Variants in CSMD1 observed in about 807,000 individuals in gnomAD.
CSMD1 encodes the protein CUB and sushi domain-containing protein 1.
Under a neutral mutation model 417.5 loss-of-function variants are expected in CSMD1, and 213 were observed. That is an observed-to-expected ratio of 0.51 (90% CI 0.46 to 0.57). The LOEUF is 0.57. CSMD1 is among the 20% of genes least tolerant of loss of function. CSMD1 has a pLI of 0.00. For missense variants in CSMD1, 6,923 were observed against 4,529.7 expected (o/e 1.53, Z -15.17); for synonymous variants, 2,862 against 1,736.8 (o/e 1.65, Z -16.11).
intron 2 of CSMD1, among the ~76,000 whole-genome samples, chr8:4,521,724 G>A (rs759985186): frequency 6.6e-6 from 1 of 152,134 alleles, no homozygotes; most frequent in South Asian, 2.1e-4. Flanking sequence ...CATTTCAATA[G>A]ACATAGCTCA....
chr8:4,168,677 A>C (rs1471699557), intron 3 of CSMD1, among the ~76,000 whole-genome samples: 8 of 152,126 alleles, frequency 5.3e-5, no homozygotes, highest in African/African-American at 1.9e-4. Flanking sequence ...ACATTTTTTA[A>C]AAAATGCTGT....
chr8:4,182,501 G>A (rs1452105351), intron 3 of CSMD1, among the ~76,000 whole-genome samples: 4 of 152,090 alleles, frequency 2.6e-5, no homozygotes, highest in Non-Finnish European at 4.4e-5. Flanking sequence ...CACATTATTA[G>A]CGAAATGTTG....
intron 5 of CSMD1, among the ~76,000 whole-genome samples, chr8:3,969,510 G>C (rs1453503390): frequency 6.6e-6 from 1 of 152,090 alleles, no homozygotes; most frequent in Non-Finnish European, 1.5e-5. Flanking sequence ...CCTTGTACAA[G>C]TTATTTAACT....
intron 21 of CSMD1, among the ~76,000 whole-genome samples, chr8:3,352,572 G>A (rs149190395): frequency 2.0e-5 from 3 of 152,284 alleles, no homozygotes; most frequent in East Asian, 1.9e-4. Context: ...GGGCGCGGTG[G>A]CTCACATCTG....
At chr8:4,216,610 G>A (rs555772600) in intron 3 of CSMD1, among the ~76,000 whole-genome samples, 4 of 152,308 alleles carry the variant, frequency 2.6e-5, no homozygotes, top group South Asian at 2.1e-4. Flanking sequence ...TGAGGACACC[G>A]TGAAGTGTGA....
chr8:4,433,295 A>G (rs1048327520), intron 2 of CSMD1, among the ~76,000 whole-genome samples: 1 of 152,218 alleles, frequency 6.6e-6, no homozygotes, highest in Non-Finnish European at 1.5e-5. Flanking sequence ...GGTCCGTAGA[A>G]AAACTGGCTT....
chr8:4,529,108 A>T (rs2130443883), intron 2 of CSMD1, among the ~76,000 whole-genome samples: 1 of 152,304 alleles, frequency 6.6e-6, no homozygotes, highest in South Asian at 2.1e-4. Context: ...ATGAGTAACA[A>T]ATCAGAAGCC....
chr8:4,357,885 G>A (rs1004614505), intron 3 of CSMD1, among the ~76,000 whole-genome samples: 1 of 152,078 alleles, frequency 6.6e-6, no homozygotes, highest in East Asian at 1.9e-4. Context: ...TAAAATCATA[G>A]ACGTATAATT....
At chr8:3,747,786 C>CA (rs372008202) in intron 6 of CSMD1, among the ~76,000 whole-genome samples, 14 of 150,128 alleles carry the variant, frequency 9.3e-5, no homozygotes, top group South Asian at 4.2e-4. Flanking sequence ...ACCAATAGTG[C>CA]AAAAAAAAAG....
intron 5 of CSMD1, among the ~76,000 whole-genome samples, chr8:3,830,900 C>G (rs1802338437): frequency 6.6e-6 from 1 of 152,100 alleles, no homozygotes; most frequent in East Asian, 1.9e-4. Context: ...TTAATAAAAT[C>G]TATATTTCCT....
chr8:4,287,520 G>A (rs890968258), intron 3 of CSMD1, among the ~76,000 whole-genome samples: 4 of 152,050 alleles, frequency 2.6e-5, no homozygotes, highest in Non-Finnish European at 5.9e-5. Flanking sequence ...CACCACACAT[G>A]TTGCAGCTTC....
chr8:4,927,201 C>A (rs151236429), intron 1 of CSMD1, among the ~76,000 whole-genome samples: 3 of 151,138 alleles, frequency 2.0e-5, no homozygotes, highest in African/African-American at 7.3e-5. Context: ...CCACCTCCCA[C>A]GTTCAAGTGC....
At chr8:4,295,751 T>TGC (rs1491175534) in intron 3 of CSMD1, among the ~76,000 whole-genome samples, 18 of 4,578 alleles carry the variant, frequency 3.9e-3, no homozygotes, top group African/African-American at 0.017. Context: ...TGTGTGTGTG[T>TGC]ATATATATAT....
At chr8:3,394,969 G>A (rs1199804245) in intron 17 of CSMD1, among the ~76,000 whole-genome samples, 3 of 152,082 alleles carry the variant, frequency 2.0e-5, no homozygotes, top group African/African-American at 7.2e-5. Flanking sequence ...ACATGCATAT[G>A]CACGTTTGTG....
At chr8:4,552,232 T>C (rs1797905835) in intron 2 of CSMD1, among the ~76,000 whole-genome samples, 1 of 152,174 alleles carries the variant, frequency 6.6e-6, no homozygotes, top group Admixed American at 6.5e-5. Context: ...TGAGCCTCCC[T>C]TTCAAGGTTA....
intron 10 of CSMD1, among the ~76,000 whole-genome samples, chr8:3,505,523 A>C (rs1796788140): frequency 6.6e-6 from 1 of 152,176 alleles, no homozygotes; most frequent in South Asian, 2.1e-4. Flanking sequence ...AAATGAAATA[A>C]AGCTGTATGA....
At chr8:3,684,312 A>T (rs1484091575) in intron 7 of CSMD1, among the ~76,000 whole-genome samples, 2 of 145,300 alleles carry the variant, frequency 1.4e-5, no homozygotes, top group African/African-American at 2.5e-5. Flanking sequence ...ATATTATATA[A>T]AATATATAGC....
chr8:4,056,236 C>G (rs1413959023), intron 3 of CSMD1, among the ~76,000 whole-genome samples: 1 of 151,720 alleles, frequency 6.6e-6, no homozygotes, highest in Non-Finnish European at 1.5e-5. Context: ...TGTGTACTCC[C>G]ACTCCTGGCT....
At chr8:3,479,745 G>A (rs1296651735) in intron 11 of CSMD1, among the ~76,000 whole-genome samples, 1 of 151,982 alleles carries the variant, frequency 6.6e-6, no homozygotes, top group Non-Finnish European at 1.5e-5. Flanking sequence ...GGAAATCACG[G>A]CTTGAATGAT....
Sources: gnomAD v4.1 joint callset for allele counts (sites outside exome capture counted in the v4.1 genomes callset) on GRCh38, gnomAD v4.1.1 for gene constraint, MANE v1.5 for transcripts, NCBI Gene and HGNC (gene_info 2026-07-23, HGNC 2026-07-21) for gene names.